Variants in RRP7A observed in about 807,000 individuals in gnomAD.
RRP7A encodes ribosomal RNA-processing protein 7 homolog A.
RRP7A carries 27 observed loss-of-function variants against 38.4 expected under a neutral mutation model. The ratio of observed to expected loss-of-function variants is 0.70; its 90% CI spans 0.52 to 0.97. The LOEUF is 0.97. RRP7A is among the 50% of genes least tolerant of loss of function. The pLI is 0.00. For missense variants in RRP7A, 327 were observed against 375.4 expected (o/e 0.87, Z 1.07); for synonymous variants, 124 against 150.3 (o/e 0.83, Z 1.28).
At position 42,516,119 on chromosome 22, in the gene RRP7A, G is replaced by A. The variant is rs750402300; in HGVS notation, c.234C>T (p.Leu78=). 3 of 1,613,436 alleles carry A rather than the reference G, an allele frequency of 1.9e-6. 1 individual carries two copies. Among genetic ancestry groups the A allele is most frequent in the Non-Finnish European group, 1.7e-6 (2 of 1,179,690 alleles). ...PYCTEESLSR[L]LSTCGLVQSV... ...ACTGGACGAGGCCACAGGTGGACAGGAGGCGGGACAGGCTCTCCTGCCGCA... is the reference window on the plus strand; with the variant it reads ...ACTGGACGAGGCCACAGGTGGACAGAAGGCGGGACAGGCTCTCCTGCCGCA... Residue 78 remains leucine, a synonymous_variant, in exon 3 of 7, where the codon CTC becomes CTT. Transcript: ENST00000323013.
chr22:42,515,604 A>G (rs1451831905), intron 3 of RRP7A, among the ~76,000 whole-genome samples: 3 of 152,156 alleles, frequency 2.0e-5, no homozygotes, highest in African/African-American at 2.4e-5. Context: ...GCCTGGGCGC[A>G]CACACCATGC....
rs1207726019 is a variant in RRP7A at position 42,516,117 on chromosome 22, A to T, written c.236T>A (p.Leu79Gln). The part of the protein sequence containing the change: ...YCTEESLSRL[L>Q]STCGLVQSVE... ...AGACTGGACGAGGCCACAGGTGGAC[A>T]GGAGGCGGGACAGGCTCTCCTGCCG... The change falls in exon 3 of 7, where the codon CTG becomes CAG. Residue 79 changes from leucine (L) to glutamine (Q), a missense_variant. Leu to Gln is a moderately radical substitution (Grantham distance 113). Transcript: ENST00000323013. 2 of 1,613,314 alleles carry T rather than the reference A, an allele frequency of 1.2e-6. No individual in the cohort carries two copies. The highest frequency in any genetic ancestry group is 1.3e-5 in the African/African-American group (1 of 74,944).
chr22:42,516,287 G>A, intron 2 of RRP7A, 151 bp from the exon 3 acceptor site: 2 of 1,022,320 alleles, frequency 2.0e-6, no homozygotes, highest in Middle Eastern at 2.2e-4. Context: ...TGGGCACCAT[G>A]GCCTCCGACC....
rs1379720020 is a variant in RRP7A, at chr22:42,512,871, G to A, written c.*39C>T. On this transcript the variant is annotated 3_prime_UTR_variant, in exon 7 of 7. Transcript: ENST00000323013. The stretch of plus-strand genomic sequence containing the variant: ...TGCAGGCCCTGCCTCGCCTCCTCCT[G>A]GCCCTGCACCTCCAGCCATTCACTG... The A allele has an allele frequency of 1.3e-6, 2 of 1,598,054 alleles. No homozygotes were observed. The highest frequency in any genetic ancestry group is 4.5e-5 in the East Asian group (2 of 44,704).
In RRP7A at chr22:42,509,144, C is replaced by CA; in HGVS notation, c.*3765dup. On this transcript the variant is annotated 3_prime_UTR_variant, in exon 7 of 7. Transcript: ENST00000323013. Reference sequence around the variant, plus strand: ...GGACCCATCCCCTTCAGTCACCCCCCAAGGAGACATGGGCGCCAGGAATCT... The same window carrying CA: ...GGACCCATCCCCTTCAGTCACCCCCCAAAGGAGACATGGGCGCCAGGAATCT... The CA allele has an allele frequency of 6.2e-7, 1 of 1,613,676 alleles. No individual in the cohort carries two copies. Among genetic ancestry groups the CA allele is most frequent in the Non-Finnish European group, 8.5e-7 (1 of 1,179,678 alleles).
chr22:42,517,987 A>C lies in RRP7A; in HGVS notation c.216+18T>G, dbSNP rs1412570618. ...ACCTTGAGCCCACAGGTCTCCTCCCAGACAGACACTAGCTCACCTCTGTGC... is the reference window on the plus strand; with the variant it reads ...ACCTTGAGCCCACAGGTCTCCTCCCCGACAGACACTAGCTCACCTCTGTGC... On this transcript the variant is annotated intron_variant, in intron 2 of 6. Transcript: ENST00000323013. The C allele has an allele frequency of 6.2e-7, 1 of 1,610,260 alleles. No homozygotes were observed. Among genetic ancestry groups the C allele is most frequent in the Non-Finnish European group, 8.5e-7 (1 of 1,177,992 alleles).
rs1932414018 is a variant in RRP7A at position 42,510,269 on chromosome 22, T to G, written c.*2641A>C. On this transcript the variant is annotated 3_prime_UTR_variant, in exon 7 of 7. Transcript: ENST00000323013. ...GAGCCACCATACCCGGCCAGGATTG[T>G]AGACTTTCAATGGGAGGATTGTGAA... 6.5e-6 allele frequency: 1 copy of G among 154,284 alleles called. No homozygotes were observed. The highest frequency in any genetic ancestry group is 1.4e-5 in the Non-Finnish European group (1 of 69,474). The allele number at this position is 154,284 out of a possible 1,614,324, so 9.6% of individuals were successfully genotyped here.
chr22:42,509,158 C>A lies in RRP7A; in HGVS notation c.*3752G>T, dbSNP rs374243698. On this transcript the variant is annotated 3_prime_UTR_variant, in exon 7 of 7. Coordinates refer to ENST00000323013, the MANE Select transcript of RRP7A (RefSeq NM_015703.5). ...CAGTCACCCCCCAAGGAGACATGGG[C>A]GCCAGGAATCTCTGGGAGGGGGCCC... 12 of 1,611,900 alleles carry A rather than the reference C, an allele frequency of 7.4e-6. No individual in the cohort carries two copies. Among genetic ancestry groups the A allele is most frequent in the African/African-American group, 1.3e-5 (1 of 74,868 alleles).
rs964385955 is a variant in RRP7A, at chr22:42,519,708, C to G, written c.73+6G>C. 4 of 1,452,430 alleles carry G rather than the reference C, an allele frequency of 2.8e-6. No homozygotes were observed. The African/African-American group carries it at 5.9e-5, about 21-fold the overall frequency. The allele number at this position is 1,452,430 out of a possible 1,614,324, so 90.0% of individuals were successfully genotyped here. A position where few individuals can be genotyped will look rare whatever the true frequency, so the allele number is the denominator to read the frequency against. On this transcript the variant is annotated splice_donor_region_variant and intron_variant, in intron 1 of 6. Coordinates refer to ENST00000323013, the MANE Select transcript of RRP7A (RefSeq NM_015703.5). ...GCCCCCGGTCTCGCGTCCCGGAGCC[C>G]CTCACCTGCGTAGCCCAGTGGGCTG...
intron 6 of RRP7A, among the ~76,000 whole-genome samples, chr22:42,513,901 C>T (rs1438380521): frequency 6.6e-6 from 1 of 152,122 alleles, no homozygotes; most frequent in East Asian, 1.9e-4. Context: ...TGCATCTGCC[C>T]CTAGGGGGTG....
chr22:42,511,991 T>G lies in RRP7A; in HGVS notation c.*919A>C. On this transcript the variant is annotated 3_prime_UTR_variant, in exon 7 of 7. Coordinates refer to ENST00000323013, the MANE Select transcript of RRP7A (RefSeq NM_015703.5). ...CCAAGGAGCCGAGTGTGGGGGAAAC[T>G]CACTGTGGGAGGCGCTCCTGACCTG... is the stretch of plus-strand genomic sequence containing the variant. 1.4e-6 allele frequency: 1 copy of G among 706,750 alleles called. No individual in the cohort carries two copies. The highest frequency in any genetic ancestry group is 1.7e-5 in the South Asian group (1 of 59,622). The allele number at this position is 706,750 out of a possible 1,614,324, so 43.8% of individuals were successfully genotyped here.
At chr22:42,517,342 TAA>T (rs71184902) in intron 2 of RRP7A, among the ~76,000 whole-genome samples, 12,233 of 117,262 alleles carry the variant, frequency 0.1, 1,261 homozygotes, top group East Asian at 0.69. Context: ...TTAGTTTTTG[TAA>T]AAAAAAAAAA....
In RRP7A at chr22:42,510,498, A is replaced by G. The variant is rs1932423001; in HGVS notation, c.*2412T>C. 5.3e-6 allele frequency: 2 copies of G among 374,930 alleles called. No individual in the cohort carries two copies. Among genetic ancestry groups the G allele is most frequent in the Admixed American group, 4.5e-5 (1 of 22,360 alleles). 23.2% of individuals were successfully genotyped at this position (374,930 alleles called of 1,614,324 possible). ...CTCAAATCCAACCCAGGGTCAAGGG[A>G]CCCAGCTGTGGGAGTTGGGGTAGCC... On this transcript the variant is annotated 3_prime_UTR_variant, in exon 7 of 7. Coordinates refer to ENST00000323013, the MANE Select transcript of RRP7A (RefSeq NM_015703.5).
At chr22:42,516,735 T>C (rs540718977) in intron 2 of RRP7A, among the ~76,000 whole-genome samples, 25 of 152,278 alleles carry the variant, frequency 1.6e-4, no homozygotes, top group African/African-American at 6.0e-4. Context: ...GGGATGGTGG[T>C]TGTCTGTGGT....
Position 42,514,116 on chromosome 22 carries a change from G to C in RRP7A, c.747C>G (p.Ser249Arg). Residue 249 changes from serine (S) to arginine (R), a missense_variant, in exon 6 of 7, where the codon AGC becomes AGG. By Grantham distance (110) the Ser-to-Arg change is moderately radical. Coordinates refer to ENST00000323013, the MANE Select transcript of RRP7A (RefSeq NM_015703.5). The stretch of plus-strand genomic sequence containing the variant: ...CTGGGGGTGGCTTACGCTCCATCTT[G>C]CTCTCTCGATGCTGCCAGGCGTAGA... ...LNFYAWQHRE[S>R]KMEHLAQLRK... The C allele has an allele frequency of 6.2e-7, 1 of 1,612,716 alleles. No homozygotes were observed. The highest frequency in any genetic ancestry group is 8.5e-7 in the Non-Finnish European group (1 of 1,179,638).
At chr22:42,519,126 A>T (rs913126496) in intron 1 of RRP7A, among the ~76,000 whole-genome samples, 28 of 149,732 alleles carry the variant, frequency 1.9e-4, no homozygotes, top group Non-Finnish European at 3.0e-5. Flanking sequence ...GGTCGGCACC[A>T]GCCAGACCAC....
intron 2 of RRP7A, 121 bp downstream of exon 2, chr22:42,517,884 C>T: frequency 8.5e-7 from 1 of 1,183,244 alleles, no homozygotes; most frequent in Non-Finnish European, 1.2e-6. Flanking sequence ...GGTAGCCCTC[C>T]TGACACTCTC....
intron 3 of RRP7A, 58 bp downstream of exon 3, chr22:42,515,953 A>G (rs1281035714): frequency 5.2e-6 from 8 of 1,534,600 alleles, no homozygotes; most frequent in Non-Finnish European, 7.0e-6. Context: ...CCCCCAACAC[A>G]CTGGGGACAG....
Position 42,514,254 on chromosome 22 carries a change from C to T in RRP7A, c.609G>A (p.Trp203Ter). 1.2e-6 allele frequency: 2 copies of T among 1,604,678 alleles called. No homozygotes were observed. The highest frequency in any genetic ancestry group is 1.3e-5 in the African/African-American group (1 of 74,860). Residue 203 changes from tryptophan to a stop codon, truncating the protein, a stop_gained, in exon 6 of 7, where the codon TGG (tryptophan) becomes TGA (stop). Coordinates refer to ENST00000323013, the MANE Select transcript of RRP7A (RefSeq NM_015703.5). LOFTEE classifies it high-confidence loss of function. Reference sequence around the variant, plus strand: ...GCCGGCCCCGGCGGGTCACCTTCACCCAGCCCTCCTCGTCAGGGACCCCCT... The same window carrying T: ...GCCGGCCCCGGCGGGTCACCTTCACTCAGCCCTCCTCGTCAGGGACCCCCT... ...EEEGVPDEEGWVKVTRRGRRP... is the reference protein window; with the variant it reads ...EEEGVPDEEG
Sources: gnomAD v4.1 joint callset for allele counts (sites outside exome capture counted in the v4.1 genomes callset) on GRCh38, gnomAD v4.1.1 for gene constraint, MANE v1.5 for transcripts, NCBI Gene and HGNC (gene_info 2026-07-23, HGNC 2026-07-21) for gene names.